Variants in PRKG1 observed in about 807,000 individuals in gnomAD.
PRKG1 encodes the protein cGMP-dependent protein kinase 1.
In PRKG1, 35 loss-of-function variants were observed where a neutral mutation model predicts 88.1. That is an observed-to-expected ratio of 0.40 (90% CI 0.30 to 0.53). The LOEUF is 0.53. Among genes scored for constraint, PRKG1 ranks in the 20% least tolerant of loss-of-function variants. The pLI is 0.59. For missense variants in PRKG1, 540 were observed against 839.8 expected (o/e 0.64, Z 4.41); for synonymous variants, 303 against 292.5 (o/e 1.04, Z -0.37).
At chr10:51,725,466 G>A (rs1179890728) in intron 3 of PRKG1, among the ~76,000 whole-genome samples, 3 of 150,966 alleles carry the variant, frequency 2.0e-5, no homozygotes, top group Non-Finnish European at 4.4e-5. Flanking sequence ...TCAATCACTA[G>A]TATTGTTTCC....
intron 5 of PRKG1, among the ~76,000 whole-genome samples, chr10:51,959,868 T>G (rs4935296): frequency 0.32 from 49,374 of 152,028 alleles, 8,684 homozygotes; most frequent in East Asian, 0.64. Flanking sequence ...ATTTCATATT[T>G]CCCTGAGTTT....
chr10:51,549,956 C>T (rs1034445195), intron 3 of PRKG1, among the ~76,000 whole-genome samples: 1 of 152,088 alleles, frequency 6.6e-6, no homozygotes, highest in Non-Finnish European at 1.5e-5. Flanking sequence ...TGCCTAGACT[C>T]ATCCTTCACT....
intron 3 of PRKG1, among the ~76,000 whole-genome samples, chr10:51,560,263 T>C (rs1003392843): frequency 1.3e-5 from 2 of 152,088 alleles, no homozygotes; most frequent in Non-Finnish European, 2.9e-5. Flanking sequence ...GTTAAGATGA[T>C]GGGATGTATG....
chr10:52,092,855 A>T (rs1847087612), intron 7 of PRKG1, among the ~76,000 whole-genome samples: 1 of 152,192 alleles, frequency 6.6e-6, no homozygotes, highest in Admixed American at 6.5e-5. Flanking sequence ...GTGGTACACA[A>T]ACTGAAAAAT....
chr10:51,903,160 T>C (rs1402264612), intron 4 of PRKG1, among the ~76,000 whole-genome samples: 2 of 152,152 alleles, frequency 1.3e-5, no homozygotes, highest in African/African-American at 2.4e-5. Flanking sequence ...AAAATGTCAG[T>C]GTCATATGGG....
intron 4 of PRKG1, among the ~76,000 whole-genome samples, chr10:51,864,394 T>A (rs1350588226): frequency 6.6e-6 from 1 of 152,212 alleles, no homozygotes; most frequent in Non-Finnish European, 1.5e-5. Context: ...ATATTCTACA[T>A]GTGTGATGAT....
intron 1 of PRKG1, among the ~76,000 whole-genome samples, chr10:51,054,423 A>T (rs1022268421): frequency 6.6e-6 from 1 of 152,220 alleles, no homozygotes; most frequent in African/African-American, 2.4e-5. Flanking sequence ...AGGGAGGTTG[A>T]TGCTGCATAG....
At chr10:51,661,079 A>G (rs529594734) in intron 3 of PRKG1, among the ~76,000 whole-genome samples, 1 of 152,242 alleles carries the variant, frequency 6.6e-6, no homozygotes, top group East Asian at 1.9e-4. Context: ...TGGTTGATTT[A>G]GCAAACTGAG....
At chr10:51,807,958 T>C (rs1246901909) in intron 4 of PRKG1, among the ~76,000 whole-genome samples, 1 of 152,064 alleles carries the variant, frequency 6.6e-6, no homozygotes, top group East Asian at 1.9e-4. Flanking sequence ...TCAGGGTGTG[T>C]TTTTCTGAGC....
chr10:51,260,386 C>A (rs12245444), intron 2 of PRKG1, among the ~76,000 whole-genome samples: 4 of 151,856 alleles, frequency 2.6e-5, no homozygotes, highest in South Asian at 2.1e-4. Context: ...TTTTAGCATG[C>A]ATGTTTTACT....
intron 3 of PRKG1, among the ~76,000 whole-genome samples, chr10:51,720,909 TA>T (rs1354528507): frequency 6.6e-6 from 1 of 152,018 alleles, no homozygotes; most frequent in African/African-American, 2.4e-5. Context: ...TGATGGTTAG[TA>T]AAACAACATG....
intron 8 of PRKG1, among the ~76,000 whole-genome samples, chr10:52,139,809 G>GTC (rs1177165678): frequency 1.3e-5 from 2 of 151,952 alleles, no homozygotes; most frequent in East Asian, 3.9e-4. Flanking sequence ...TCTGAGTGGG[G>GTC]TCTCCAGGCA....
intron 4 of PRKG1, among the ~76,000 whole-genome samples, chr10:51,872,517 C>T (rs1841184621): frequency 6.6e-6 from 1 of 152,096 alleles, no homozygotes; most frequent in Non-Finnish European, 1.5e-5. Context: ...AGGCATTCTT[C>T]CCTTGTGGCA....
At chr10:52,117,549 C>A (rs1589621304) in intron 7 of PRKG1, among the ~76,000 whole-genome samples, 2 of 152,112 alleles carry the variant, frequency 1.3e-5, no homozygotes, top group African/African-American at 2.4e-5. Flanking sequence ...CAACACACAG[C>A]CCTTCAGAAA....
chr10:51,523,560 A>G (rs1288722414), intron 3 of PRKG1, among the ~76,000 whole-genome samples: 1 of 152,132 alleles, frequency 6.6e-6, no homozygotes, highest in Non-Finnish European at 1.5e-5. Flanking sequence ...TTTTCTCCAT[A>G]ATTAGTTATA....
At chr10:51,890,195 T>C (rs1398802281) in intron 4 of PRKG1, among the ~76,000 whole-genome samples, 1 of 152,240 alleles carries the variant, frequency 6.6e-6, no homozygotes, top group Non-Finnish European at 1.5e-5. Context: ...GTTTTAGGTC[T>C]AACGTTTAAG....
At chr10:51,984,160 G>C (rs1844089959) in intron 5 of PRKG1, among the ~76,000 whole-genome samples, 1 of 152,174 alleles carries the variant, frequency 6.6e-6, no homozygotes, top group Admixed American at 6.5e-5. Context: ...AAACTTCTCT[G>C]TGAGGCATGT....
chr10:52,225,717 A>T (rs1269543502), intron 9 of PRKG1, among the ~76,000 whole-genome samples: 2 of 152,132 alleles, frequency 1.3e-5, no homozygotes, highest in Admixed American at 6.6e-5. Flanking sequence ...CTAGCCAATC[A>T]TCCCAGCACC....
At chr10:51,758,129 C>A (rs1837918075) in intron 3 of PRKG1, among the ~76,000 whole-genome samples, 2 of 152,108 alleles carry the variant, frequency 1.3e-5, no homozygotes, top group South Asian at 4.1e-4. Flanking sequence ...AGGAAACAGT[C>A]TAGAAAAAAA....
Sources: allele counts gnomAD v4.1 joint callset (sites outside exome capture counted in the v4.1 genomes callset), GRCh38; gene constraint gnomAD v4.1.1; transcripts MANE v1.5; gene names NCBI Gene and HGNC (gene_info 2026-07-23, HGNC 2026-07-21).